IGSF11: variants seen among roughly 807,000 people sequenced by gnomAD.
The protein encoded by IGSF11 is immunoglobulin superfamily member 11.
In IGSF11, 22 loss-of-function variants were observed where a neutral mutation model predicts 41.0. The observed-to-expected ratio is 0.54, with a 90% CI of 0.38 to 0.77. The LOEUF (loss-of-function observed/expected upper bound fraction) is 0.77, where lower values mean the gene tolerates loss of function less well. IGSF11 is among the 30% of genes least tolerant of loss of function. The pLI, the probability that IGSF11 is intolerant of heterozygous loss-of-function variation, is 0.00. For missense variants in IGSF11, 444 were observed against 530.8 expected, an observed-to-expected ratio of 0.84 and a Z score of 1.61; for synonymous variants, 219 against 201.3, an observed-to-expected ratio of 1.09 and a Z score of -0.74.
At chr3:118,931,151 G>A (rs747551698) in intron 1 of IGSF11, among the ~76,000 whole-genome samples, 3 of 152,082 alleles carry the variant, frequency 2.0e-5, no homozygotes, top group Non-Finnish European at 4.4e-5. Flanking sequence ...AAATGGTGCT[G>A]GGATAATTTG....
At chr3:119,011,054 C>T (rs1938055339) in intron 1 of IGSF11, among the ~76,000 whole-genome samples, 2 of 152,108 alleles carry the variant, frequency 1.3e-5, no homozygotes, top group African/African-American at 4.8e-5. Context: ...AAGCTTCTAA[C>T]AAATTAATCC....
intron 1 of IGSF11, among the ~76,000 whole-genome samples, chr3:118,962,146 C>A (rs1945377646): frequency 6.6e-6 from 1 of 152,110 alleles, no homozygotes; most frequent in South Asian, 2.1e-4. Flanking sequence ...TCTAAATAAT[C>A]AATGAAAGAA....
At chr3:118,931,714 C>CT (rs1402397890) in intron 1 of IGSF11, among the ~76,000 whole-genome samples, 3 of 151,132 alleles carry the variant, frequency 2.0e-5, no homozygotes, top group African/African-American at 7.3e-5. Context: ...GGTTGTACAA[C>CT]TCTGCAAGCT....
chr3:119,134,854 C>A (rs1432658564), intron 1 of IGSF11, among the ~76,000 whole-genome samples: 1 of 152,112 alleles, frequency 6.6e-6, no homozygotes, highest in Non-Finnish European at 1.5e-5. Context: ...GATACACAGA[C>A]CAAAACAGAT....
intron 1 of IGSF11, among the ~76,000 whole-genome samples, chr3:119,129,686 C>T (rs1359571692): frequency 6.6e-6 from 1 of 152,020 alleles, no homozygotes; most frequent in Non-Finnish European, 1.5e-5. Flanking sequence ...ACAATGGATA[C>T]ACAAAAAATA....
intron 1 of IGSF11, among the ~76,000 whole-genome samples, chr3:118,991,173 T>A (rs1043395654): frequency 6.6e-6 from 1 of 152,206 alleles, no homozygotes; most frequent in African/African-American, 2.4e-5. Flanking sequence ...GAGTATTTTT[T>A]AAAATGCAAC....
intron 1 of IGSF11, among the ~76,000 whole-genome samples, chr3:119,056,835 C>A (rs1425364432): frequency 6.6e-6 from 1 of 152,150 alleles, no homozygotes. Context: ...AATCAATCAA[C>A]TTAATCCAGC....
chr3:118,903,304 T>C (rs1195244586), intron 6 of IGSF11, among the ~76,000 whole-genome samples: 1 of 151,888 alleles, frequency 6.6e-6, no homozygotes, highest in Non-Finnish European at 1.5e-5. Context: ...ATAGTAAATA[T>C]ATAACAAATC....
At chr3:119,058,393 T>C (rs1049144296) in intron 1 of IGSF11, among the ~76,000 whole-genome samples, 2 of 152,092 alleles carry the variant, frequency 1.3e-5, no homozygotes, top group Non-Finnish European at 2.9e-5. Context: ...TCACTGGCCA[T>C]CAGAGAAATG....
At position 119,034,837 on chromosome 3, in the gene IGSF11, C is replaced by A; in HGVS notation, c.-255G>T. ...TCGCCAGCCGTGCCACCCAGCCCTG[C>A]CCCAGGACTAGCCGACCCCTCGCGC... On this transcript the variant is annotated 5_prime_UTR_variant, in exon 1 of 7. Transcript: ENST00000393775. 8.1e-7 allele frequency: 1 copy of A among 1,234,204 alleles called. No individual in the cohort carries two copies. The highest frequency in any genetic ancestry group is 3.6e-5 in the South Asian group (1 of 27,658). The allele number at this position is 1,234,204 out of a possible 1,614,324, so 76.5% of individuals were successfully genotyped here. A position where few individuals can be genotyped will look rare whatever the true frequency, so the allele number is the denominator to read the frequency against.
At chr3:119,128,702 A>G (rs1028646687) in intron 1 of IGSF11, among the ~76,000 whole-genome samples, 5 of 152,214 alleles carry the variant, frequency 3.3e-5, no homozygotes, top group African/African-American at 9.6e-5. Context: ...AAAGCTAACT[A>G]TTCTGAATAT....
chr3:118,987,065 T>C (rs1935329035), intron 1 of IGSF11, among the ~76,000 whole-genome samples: 2 of 152,172 alleles, frequency 1.3e-5, no homozygotes, highest in African/African-American at 2.4e-5. Flanking sequence ...CACAAACACA[T>C]GGACCAGGAA....
intron 1 of IGSF11, among the ~76,000 whole-genome samples, chr3:119,128,745 AG>A (rs2077438096): frequency 6.6e-6 from 1 of 152,238 alleles, no homozygotes; most frequent in Non-Finnish European, 1.5e-5. Context: ...CCATTGTGGA[AG>A]AGAGTATGGC....
chr3:119,103,240 G>A (rs932736423), intron 1 of IGSF11, among the ~76,000 whole-genome samples: 1 of 152,152 alleles, frequency 6.6e-6, no homozygotes, highest in East Asian at 1.9e-4. Context: ...CTCTTGATCC[G>A]CCCACCTCGG....
At chr3:118,953,444 T>C (rs1944725639) in intron 1 of IGSF11, among the ~76,000 whole-genome samples, 1 of 152,248 alleles carries the variant, frequency 6.6e-6, no homozygotes, top group African/African-American at 2.4e-5. Flanking sequence ...ATGGTAGTTC[T>C]ACTTTTATTA....
intron 1 of IGSF11, among the ~76,000 whole-genome samples, chr3:119,023,262 C>CAAAA (rs3049118): frequency 1.5e-4 from 9 of 60,264 alleles, no homozygotes; most frequent in South Asian, 8.2e-4. Context: ...GACTCCGTCT[C>CAAAA]AAAAAAAAAA....
intron 1 of IGSF11, among the ~76,000 whole-genome samples, chr3:119,056,811 G>T (rs1311777609): frequency 6.6e-6 from 1 of 152,168 alleles, no homozygotes; most frequent in East Asian, 1.9e-4. Context: ...TGCAAGGCTG[G>T]TTCAACATAT....
intron 1 of IGSF11, among the ~76,000 whole-genome samples, chr3:119,024,163 G>A (rs1046699887): frequency 2.0e-5 from 3 of 152,170 alleles, no homozygotes; most frequent in African/African-American, 7.2e-5. Flanking sequence ...TCAAAGAAAT[G>A]CAAATGTTAA....
chr3:118,996,469 T>C (rs180752470), intron 1 of IGSF11, among the ~76,000 whole-genome samples: 3 of 152,308 alleles, frequency 2.0e-5, no homozygotes, highest in Admixed American at 2.0e-4. Context: ...AGCCTCTTAA[T>C]CCAGTTTCCT....
Sources: allele counts gnomAD v4.1 joint callset (sites outside exome capture counted in the v4.1 genomes callset), GRCh38; gene constraint gnomAD v4.1.1; transcripts MANE v1.5; gene names NCBI Gene and HGNC (gene_info 2026-07-23, HGNC 2026-07-21).